Variants in MEIS1 observed in about 807,000 individuals in gnomAD.
MEIS1 encodes the protein homeobox protein Meis1.
Under a neutral mutation model 50.8 loss-of-function variants are expected in MEIS1, and 5 were observed. The ratio of observed to expected loss-of-function variants is 0.10; its 90% CI spans 0.05 to 0.21. The LOEUF (loss-of-function observed/expected upper bound fraction) is 0.21. MEIS1 is among the 10% of genes least tolerant of loss of function. MEIS1 has a pLI of 1.00. For missense variants in MEIS1, 318 were observed against 517.3 expected, an observed-to-expected ratio of 0.61 and a Z score of 3.74; for synonymous variants, 176 against 179.3, an observed-to-expected ratio of 0.98 and a Z score of 0.15.
At chr2:66,473,224 C>A (rs1406994580) in intron 7 of MEIS1, among the ~76,000 whole-genome samples, 1 of 150,820 alleles carries the variant, frequency 6.6e-6, no homozygotes, top group Non-Finnish European at 1.5e-5. Context: ...ACTAAAAATA[C>A]AAAATTAGCC....
intron 7 of MEIS1, among the ~76,000 whole-genome samples, chr2:66,495,448 T>A (rs902948870): frequency 6.6e-6 from 1 of 152,168 alleles, no homozygotes; most frequent in South Asian, 2.1e-4. Flanking sequence ...GGGGAACTTA[T>A]TGCCCCAAAT....
In MEIS1 at chr2:66,534,872, A is replaced by G. The variant is rs549999897; in HGVS notation, c.889-13071A>G. ...CCCAAAGCATGTTTTAGAAGGGGCA[A>G]ATGTCACTATTTAAGACTTTTTGGC... On this transcript the variant is annotated intron_variant, in intron 8 of 12. Transcript: ENST00000272369. Among the ~76,000 whole-genome samples, 37 of 152,332 alleles carry G rather than the reference A, an allele frequency of 2.4e-4. No individual in the cohort carries two copies. In the South Asian group the frequency reaches 3.7e-3, roughly 15 times the overall value.
chr2:66,452,951 A>C (rs1398374582), intron 6 of MEIS1, among the ~76,000 whole-genome samples: 6 of 151,966 alleles, frequency 3.9e-5, no homozygotes, highest in Non-Finnish European at 7.4e-5. Flanking sequence ...GCTAGTGTTC[A>C]ATTTTTTTAT....
At chr2:66,542,891 A>G (rs1674689420) in intron 8 of MEIS1, among the ~76,000 whole-genome samples, 2 of 152,234 alleles carry the variant, frequency 1.3e-5, no homozygotes, top group African/African-American at 4.8e-5. Flanking sequence ...ACATTTGGTC[A>G]AAGATATTAA....
intron 5 of MEIS1, among the ~76,000 whole-genome samples, chr2:66,442,416 C>A (rs943951634): frequency 6.6e-6 from 1 of 151,428 alleles, no homozygotes; most frequent in South Asian, 2.1e-4. Flanking sequence ...GAGATAAAAA[C>A]CTTCATTACA....
intron 8 of MEIS1, among the ~76,000 whole-genome samples, chr2:66,525,202 G>A (rs769050413): frequency 1.3e-5 from 2 of 151,248 alleles, no homozygotes; most frequent in Non-Finnish European, 3.0e-5. Context: ...GGCAGAGTGA[G>A]ACCTTGTCTC....
intron 7 of MEIS1, among the ~76,000 whole-genome samples, chr2:66,508,104 A>G (rs1236138938): frequency 6.6e-6 from 1 of 152,258 alleles, no homozygotes; most frequent in Admixed American, 6.5e-5. Context: ...CATATAGTGC[A>G]TGGTTTTGAT....
chr2:66,550,924 A>G (rs1436206456), intron 9 of MEIS1, among the ~76,000 whole-genome samples: 1 of 152,126 alleles, frequency 6.6e-6, no homozygotes, highest in East Asian at 1.9e-4. Flanking sequence ...CCTTTCATTT[A>G]TTTATCCACA....
At chr2:66,568,638 T>A in intron 10 of MEIS1, 29 bp from the exon 11 acceptor site, 1 of 1,579,248 alleles carries the variant, frequency 6.3e-7, no homozygotes, top group Middle Eastern at 1.7e-4. Context: ...GAGACTGTTA[T>A]TAAAAAACCA....
chr2:66,437,573 T>G (rs932973656), intron 1 of MEIS1, 164 bp from the exon 2 acceptor site: 6 of 643,826 alleles, frequency 9.3e-6, no homozygotes, highest in African/African-American at 1.8e-5. Flanking sequence ...TACTTAAAGC[T>G]TTAATTTTAA....
At chr2:66,553,262 T>C (rs1674966715) in intron 9 of MEIS1, among the ~76,000 whole-genome samples, 1 of 152,176 alleles carries the variant, frequency 6.6e-6, no homozygotes, top group Non-Finnish European at 1.5e-5. Context: ...GACTTCCTAA[T>C]TGATCAATGG....
At chr2:66,480,839 T>G (rs192120639) in intron 7 of MEIS1, among the ~76,000 whole-genome samples, 2 of 152,276 alleles carry the variant, frequency 1.3e-5, no homozygotes, top group African/African-American at 4.8e-5. Context: ...TACTTTCCTA[T>G]GAAACTTTTG....
At chr2:66,525,211 TC>T (rs1674220076) in intron 8 of MEIS1, among the ~76,000 whole-genome samples, 1 of 141,764 alleles carries the variant, frequency 7.1e-6, no homozygotes, top group Non-Finnish European at 1.6e-5. Flanking sequence ...AGACCTTGTC[TC>T]AAAAACAAAC....
At chr2:66,500,529 A>C (rs1673527542) in intron 7 of MEIS1, among the ~76,000 whole-genome samples, 1 of 152,044 alleles carries the variant, frequency 6.6e-6, no homozygotes, top group Non-Finnish European at 1.5e-5. Context: ...GGTTCAAGGG[A>C]TTCTCCTGCC....
intron 9 of MEIS1, 104 bp downstream of exon 9, chr2:66,548,123 C>G (rs1396526428): frequency 4.7e-6 from 5 of 1,060,066 alleles, no homozygotes; most frequent in Non-Finnish European, 7.1e-6. Flanking sequence ...CACTGCTTTC[C>G]CTGGTGGCTT....
intron 7 of MEIS1, among the ~76,000 whole-genome samples, chr2:66,474,949 C>A (rs1178636612): frequency 2.0e-5 from 3 of 151,812 alleles, no homozygotes. Context: ...AGAGTGAATG[C>A]AGAAAATATT....
At chr2:66,452,659 T>C (rs547239302) in intron 6 of MEIS1, among the ~76,000 whole-genome samples, 50 of 152,066 alleles carry the variant, frequency 3.3e-4, no homozygotes, top group South Asian at 1.0e-3. Flanking sequence ...AAGAAAGATA[T>C]TCAGTTGCAG....
intron 6 of MEIS1, among the ~76,000 whole-genome samples, chr2:66,460,718 T>C (rs1193203445): frequency 6.6e-6 from 1 of 151,092 alleles, no homozygotes; most frequent in Non-Finnish European, 1.5e-5. Flanking sequence ...CAGCAAAAGA[T>C]TTTTTTTTCC....
intron 7 of MEIS1, among the ~76,000 whole-genome samples, chr2:66,505,303 G>C (rs1673660273): frequency 6.6e-6 from 1 of 152,164 alleles, no homozygotes; most frequent in Admixed American, 6.5e-5. Context: ...CTACTCTAGA[G>C]GCTGAGGCCT....
Sources: allele counts gnomAD v4.1 joint callset (sites outside exome capture counted in the v4.1 genomes callset), GRCh38; gene constraint gnomAD v4.1.1; transcripts MANE v1.5; gene names NCBI Gene and HGNC (gene_info 2026-07-23, HGNC 2026-07-21).